The following PES1 variants were observed in gnomAD, a reference collection of about 807,000 sequenced individuals.
PES1 encodes the protein pescadillo ribosomal biogenesis factor 1, also known as pescadillo homolog.
A neutral mutation model predicts 77.1 loss-of-function variants in PES1; 31 were observed. That is an observed-to-expected ratio of 0.40 (90% CI 0.30 to 0.54). PES1 has a LOEUF of 0.54. Ranked by LOEUF, PES1 falls within the 20% of genes least tolerant of loss-of-function variation. PES1 has a pLI of 0.45. For synonymous variants in PES1, 282 were observed against 303.0 expected (o/e 0.93, Z 0.72); for missense variants, 658 against 771.7 (o/e 0.85, Z 1.75).
chr22:30,590,094 A>G (rs539583163), intron 1 of PES1, among the ~76,000 whole-genome samples: 181 of 152,290 alleles, frequency 1.2e-3, no homozygotes, highest in African/African-American at 4.2e-3. Flanking sequence ...CAGGTCCTCT[A>G]TTATGGTCAA....
chr22:30,598,444 A>G (rs1030795694), intron 2 of PES1: 3 of 152,166 alleles, frequency 2.0e-5, no homozygotes, highest in African/African-American at 7.2e-5. Flanking sequence ...CCGTAAAAAA[A>G]AAAATTATTT....
intron 2 of PES1, among the ~76,000 whole-genome samples, chr22:30,598,884 A>ATTTTTTTTTTTTTTTTTTT (rs1569031688): frequency 1.1e-4 from 5 of 46,256 alleles, no homozygotes; most frequent in African/African-American, 3.0e-4. Flanking sequence ...ACTTAAGTAA[A>ATTTTTTTTTTTTTTTTTTT]ATTTTTTTTT....
At chr22:30,582,467 C>T (rs2087002237) in intron 6 of PES1, among the ~76,000 whole-genome samples, 1 of 152,198 alleles carries the variant, frequency 6.6e-6, no homozygotes, top group Non-Finnish European at 1.5e-5. Context: ...ACACAGAAGG[C>T]TCATCTTTGC....
At chr22:30,600,983 T>C (rs1186571840) in intron 2 of PES1, among the ~76,000 whole-genome samples, 1 of 152,252 alleles carries the variant, frequency 6.6e-6, no homozygotes, top group Non-Finnish European at 1.5e-5. Context: ...TGGATTACCT[T>C]TGTGGATCAG....
In PES1 at chr22:30,603,444, T is replaced by A. The variant is rs896518585; in HGVS notation, c.-661+2017A>T. Among the ~76,000 whole-genome samples the A allele has an allele frequency of 3.3e-5, 5 of 152,164 alleles. No homozygotes were observed. The East Asian group carries it at 9.7e-4, about 29-fold the overall frequency. On this transcript the variant is annotated intron_variant, in intron 2 of 16. Transcript: ENST00000402281. ...TCACCCAGGCTGGAGTGCAGTGGCA[T>A]GATCTTGGCTCACTGCAACCTCTGG...
chr22:30,584,255 G>A, intron 6 of PES1, 110 bp downstream of exon 6: 1 of 842,920 alleles, frequency 1.2e-6, no homozygotes, highest in Non-Finnish European at 1.9e-6. Context: ...ATCAACAGTT[G>A]GGAACCCAGC....
At chr22:30,589,865 C>T (rs1458247594) in intron 1 of PES1, among the ~76,000 whole-genome samples, 3 of 152,128 alleles carry the variant, frequency 2.0e-5, no homozygotes, top group Non-Finnish European at 2.9e-5. Context: ...CACCCATCAC[C>T]CTTTCTTCCC....
chr22:30,597,877 G>T (rs971991286), intron 2 of PES1, among the ~76,000 whole-genome samples: 1,180 of 90,012 alleles, frequency 0.013, 21 homozygotes, highest in African/African-American at 0.05. Flanking sequence ...CGCAGTTGAA[G>T]TTTTGTTTTT....
At chr22:30,590,133 T>C (rs1340530029) in intron 1 of PES1, among the ~76,000 whole-genome samples, 1 of 152,206 alleles carries the variant, frequency 6.6e-6, no homozygotes, top group Non-Finnish European at 1.5e-5. Context: ...ATGAAGGCAA[T>C]AAAGACAAAA....
At chr22:30,584,792 AC>A in intron 4 of PES1, 75 bp from the exon 5 acceptor site, 2 of 1,463,332 alleles carry the variant, frequency 1.4e-6, no homozygotes, top group Non-Finnish European at 1.9e-6. Context: ...TCCTTATCCC[AC>A]CCCAGATGCC....
chr22:30,592,484 G>A, upstream of PES1: 4 of 845,238 alleles, frequency 4.7e-6, no homozygotes, highest in Non-Finnish European at 5.7e-6. Flanking sequence ...CTTAGTGGTG[G>A]ACTCGTGGTA....
rs538129447 is a variant in PES1 at position 30,585,023 on chromosome 22, G to A, written c.369-306C>T. On this transcript the variant is annotated intron_variant, in intron 4 of 14. Coordinates refer to ENST00000354694, the MANE Select transcript of PES1 (RefSeq NM_014303.4). ...GATTTTGTGGTGCACGACGGTAGAC[G>A]GAGTCAGGGGCTCTATGACTCTCTT... is the stretch of plus-strand genomic sequence containing the variant. 7.2e-4 allele frequency among the ~76,000 whole-genome samples: 109 copies of A among 152,284 alleles called. 1 individual carries two copies. Among genetic ancestry groups the A allele is most frequent in the Middle Eastern group, 6.8e-3 (2 of 294 alleles).
chr22:30,596,785 T>TGCTG (rs562758065), upstream of PES1, among the ~76,000 whole-genome samples: 121 of 152,342 alleles, frequency 7.9e-4, 1 homozygote, highest in South Asian at 0.024. Context: ...TCAGCCCCGC[T>TGCTG]GCTGCACCGT....
upstream of PES1, chr22:30,592,441 A>G (rs1403002372): frequency 2.0e-6 from 2 of 976,384 alleles, no homozygotes; most frequent in East Asian, 1.1e-4. Flanking sequence ...GCGGAGGTAT[A>G]GAGATCCTAG....
At chr22:30,591,769 C>T in intron 1 of PES1, 41 bp downstream of exon 1, 3 of 1,549,850 alleles carry the variant, frequency 1.9e-6, no homozygotes, top group East Asian at 2.4e-5. Flanking sequence ...GCCGCCCCCG[C>T]ACCCCACCCC....
chr22:30,588,787 G>GAAA (rs76819746), intron 2 of PES1, among the ~76,000 whole-genome samples: 1 of 137,934 alleles, frequency 7.2e-6, no homozygotes, highest in South Asian at 2.3e-4. Flanking sequence ...TGTCTCCGGG[G>GAAA]AAAAAAAAAA....
chr22:30,585,187 A>G (rs1403551770), intron 4 of PES1: 2 of 452,794 alleles, frequency 4.4e-6, no homozygotes, highest in Non-Finnish European at 4.7e-6. Flanking sequence ...GGGCCTGGCC[A>G]CCGGTCGCCA....
intron 2 of PES1, among the ~76,000 whole-genome samples, chr22:30,600,822 C>G (rs1424817215): frequency 1.3e-5 from 2 of 151,566 alleles, no homozygotes; most frequent in African/African-American, 4.8e-5. Flanking sequence ...ATCTCAAAAA[C>G]AAAACAAAAA....
In PES1 at chr22:30,585,952, G is replaced by A. The variant is rs948732308; in HGVS notation, c.369-1235C>T. On this transcript the variant is annotated intron_variant, in intron 4 of 14. Coordinates refer to ENST00000354694, the MANE Select transcript of PES1 (RefSeq NM_014303.4). ...TCTGGTTTCTTGGTGCAGAGGTGGC[G>A]GCCTCAACTGGCCCCCTCTGGTGCC... 5.1e-4 allele frequency among the ~76,000 whole-genome samples: 78 copies of A among 152,164 alleles called. 4 individuals carry two copies. The highest frequency in any genetic ancestry group is 2.3e-3 in the Admixed American group (35 of 15,274).
Sources: gnomAD v4.1 joint callset for allele counts (sites outside exome capture counted in the v4.1 genomes callset) on GRCh38, gnomAD v4.1.1 for gene constraint, MANE v1.5 for transcripts, NCBI Gene and HGNC (gene_info 2026-07-23, HGNC 2026-07-21) for gene names.